Variants in SLC24A2 observed in about 807,000 individuals in gnomAD.
SLC24A2 encodes the protein solute carrier family 24 member 2.
In SLC24A2, 36 loss-of-function variants were observed where a neutral mutation model predicts 62.0. That is an observed-to-expected ratio of 0.58 (90% CI 0.44 to 0.77). SLC24A2 has a LOEUF of 0.77. SLC24A2 is among the 30% of genes least tolerant of loss of function. The pLI is 0.00. For synonymous variants in SLC24A2, 358 were observed against 294.0 expected, an observed-to-expected ratio of 1.22 and a Z score of -2.23; for missense variants, 846 against 817.9, an observed-to-expected ratio of 1.03 and a Z score of -0.42.
At chr9:19,518,942 T>G (rs923158697) in intron 10 of SLC24A2, among the ~76,000 whole-genome samples, 1 of 152,204 alleles carries the variant, frequency 6.6e-6, no homozygotes, top group African/African-American at 2.4e-5. Flanking sequence ...TCAAAATATT[T>G]AGTTCATTAA....
chr9:19,685,295 T>C (rs887854866), intron 2 of SLC24A2, among the ~76,000 whole-genome samples: 1 of 152,156 alleles, frequency 6.6e-6, no homozygotes, highest in African/African-American at 2.4e-5. Flanking sequence ...TCCATGCTCA[T>C]TGATTGGAAG....
the SLC24A2 span, among the ~76,000 whole-genome samples, chr9:19,893,142 T>A: frequency 6.6e-6 from 1 of 152,254 alleles, no homozygotes. Context: ...AATGGTATTT[T>A]GAGTGGCGGG....
chr9:20,307,687 C>T, the SLC24A2 span, among the ~76,000 whole-genome samples: 1 of 152,150 alleles, frequency 6.6e-6, no homozygotes, highest in African/African-American at 2.4e-5. Context: ...GTTGGCTCGG[C>T]CCCTTTGTTG....
chr9:19,961,424 T>A, the SLC24A2 span, among the ~76,000 whole-genome samples: 4 of 152,204 alleles, frequency 2.6e-5, no homozygotes, highest in African/African-American at 9.6e-5. Context: ...AAGCCTTTTT[T>A]TTCTTTCCAA....
the SLC24A2 span, among the ~76,000 whole-genome samples, chr9:19,968,249 AG>A: frequency 7.9e-5 from 12 of 152,330 alleles, no homozygotes; most frequent in Admixed American, 5.9e-4. Context: ...GGGAGCCCAC[AG>A]GGACCCACAT....
the SLC24A2 span, among the ~76,000 whole-genome samples, chr9:20,077,435 TA>T: frequency 2.0e-5 from 3 of 152,066 alleles, no homozygotes; most frequent in South Asian, 2.1e-4. Flanking sequence ...ATTTCTTAAA[TA>T]AAAAAAATGT....
At chr9:19,763,224 A>G (rs1822399092) in intron 2 of SLC24A2, among the ~76,000 whole-genome samples, 1 of 152,164 alleles carries the variant, frequency 6.6e-6, no homozygotes, top group Non-Finnish European at 1.5e-5. Flanking sequence ...GAGCTGAGAC[A>G]ATGGGGTTTT....
chr9:19,699,857 C>G (rs1204470470), intron 2 of SLC24A2, among the ~76,000 whole-genome samples: 3 of 151,932 alleles, frequency 2.0e-5, no homozygotes, highest in Non-Finnish European at 2.9e-5. Flanking sequence ...CTGAAATAAA[C>G]TAACTGCTCC....
chr9:19,976,263 T>C, the SLC24A2 span, among the ~76,000 whole-genome samples: 2 of 152,240 alleles, frequency 1.3e-5, no homozygotes, highest in African/African-American at 4.8e-5. Context: ...TTTGTCTCTG[T>C]ATCCCCACCC....
chr9:19,958,227 G>T, the SLC24A2 span: 3 of 152,212 alleles, frequency 2.0e-5, no homozygotes, highest in Non-Finnish European at 4.4e-5. Flanking sequence ...TTAAGAGCCG[G>T]CTCTCCTCGT....
intron 7 of SLC24A2, among the ~76,000 whole-genome samples, chr9:19,552,888 T>A (rs1275394859): frequency 6.6e-6 from 1 of 152,214 alleles, no homozygotes; most frequent in Non-Finnish European, 1.5e-5. Flanking sequence ...CTAAACACAC[T>A]ACTGTCCAAT....
the SLC24A2 span, among the ~76,000 whole-genome samples, chr9:20,013,767 G>A: frequency 6.6e-6 from 1 of 152,102 alleles, no homozygotes; most frequent in African/African-American, 2.4e-5. Context: ...AATGGGCAAA[G>A]GAGCAGAATA....
intron 8 of SLC24A2, among the ~76,000 whole-genome samples, chr9:19,531,275 T>C (rs765225663): frequency 6.6e-6 from 1 of 152,196 alleles, no homozygotes. Context: ...TTGGACAGCA[T>C]GGTCTCATTC....
the SLC24A2 span, among the ~76,000 whole-genome samples, chr9:20,120,411 G>T: frequency 1.3e-5 from 2 of 152,136 alleles, no homozygotes; most frequent in South Asian, 4.1e-4. Flanking sequence ...TGCAGCTGGA[G>T]TTGGAGCTGG....
At chr9:20,081,170 C>A in the SLC24A2 span, among the ~76,000 whole-genome samples, 1 of 152,098 alleles carries the variant, frequency 6.6e-6, no homozygotes, top group Non-Finnish European at 1.5e-5. Flanking sequence ...TATAAAGACA[C>A]ATGCACACGT....
chr9:19,652,100 G>A (rs1448971316), intron 2 of SLC24A2, among the ~76,000 whole-genome samples: 1 of 152,144 alleles, frequency 6.6e-6, no homozygotes, highest in Non-Finnish European at 1.5e-5. Context: ...AATCTTTATT[G>A]TTAAAGCTAA....
the SLC24A2 span, among the ~76,000 whole-genome samples, chr9:20,018,467 T>C: frequency 3.9e-5 from 6 of 152,162 alleles, no homozygotes; most frequent in Non-Finnish European, 7.3e-5. Flanking sequence ...TTACAGGTGA[T>C]CTTTCTCCAC....
the SLC24A2 span, among the ~76,000 whole-genome samples, chr9:20,088,124 T>G: frequency 1.6e-4 from 24 of 152,194 alleles, no homozygotes; most frequent in Non-Finnish European, 3.1e-4. Flanking sequence ...GCTGCAACTC[T>G]GGCAAATCAG....
Position 19,513,284 on chromosome 9 carries a change from T to G in SLC24A2, c.*2869A>C, listed in dbSNP as rs1210641519. 6.6e-6 allele frequency: 1 copy of G among 151,366 alleles called. No individual in the cohort carries two copies. The highest frequency in any genetic ancestry group is 1.5e-5 in the Non-Finnish European group (1 of 67,930). The allele number at this position is 151,366 out of a possible 1,614,324, so 9.4% of individuals were successfully genotyped here. Reference sequence around the variant, plus strand: ...CCACGGTGTGGAAAGTTCTTATAATTATGCCAATGATTTGAATGGTTTAAA... The same window carrying G: ...CCACGGTGTGGAAAGTTCTTATAATGATGCCAATGATTTGAATGGTTTAAA... On this transcript the variant is annotated 3_prime_UTR_variant, in exon 11 of 11. Coordinates refer to ENST00000341998, the MANE Select transcript of SLC24A2 (RefSeq NM_020344.4).
Sources: allele counts gnomAD v4.1 joint callset (sites outside exome capture counted in the v4.1 genomes callset), GRCh38; gene constraint gnomAD v4.1.1; transcripts MANE v1.5; gene names NCBI Gene and HGNC (gene_info 2026-07-23, HGNC 2026-07-21).